The following IGSF11 variants were observed in gnomAD, a reference collection of about 807,000 sequenced individuals.
IGSF11 encodes CXADR like 1.
A neutral mutation model predicts 41.0 loss-of-function variants in IGSF11; 22 were observed. That is an observed-to-expected ratio of 0.54 (90% confidence interval 0.38 to 0.77). The LOEUF is 0.77. Among genes scored for constraint, IGSF11 ranks in the 30% least tolerant of loss-of-function variants. The pLI, the probability that IGSF11 is intolerant of heterozygous loss-of-function variation, is 0.00. For synonymous variants in IGSF11, 219 were observed against 201.3 expected (o/e 1.09, Z -0.74); for missense variants, 444 against 530.8 (o/e 0.84, Z 1.61).
intron 1 of IGSF11, among the ~76,000 whole-genome samples, chr3:119,078,288 C>A (rs1222288874): frequency 6.6e-6 from 1 of 152,104 alleles, no homozygotes; most frequent in Non-Finnish European, 1.5e-5. Context: ...ATACATTAAC[C>A]AAAACAGCAT....
At chr3:119,097,416 C>A (rs2076870365) in intron 1 of IGSF11, among the ~76,000 whole-genome samples, 1 of 148,524 alleles carries the variant, frequency 6.7e-6, no homozygotes, top group Non-Finnish European at 1.5e-5. Flanking sequence ...CAGAACCTCC[C>A]ATTTTTCCTC....
intron 1 of IGSF11, among the ~76,000 whole-genome samples, chr3:118,981,075 A>T (rs1482553798): frequency 6.6e-6 from 1 of 152,220 alleles, no homozygotes; most frequent in Non-Finnish European, 1.5e-5. Flanking sequence ...CACCTCAAGG[A>T]TCACTTGTGT....
chr3:119,132,590 A>G (rs1325809658), intron 1 of IGSF11, among the ~76,000 whole-genome samples: 1 of 152,092 alleles, frequency 6.6e-6, no homozygotes, highest in Non-Finnish European at 1.5e-5. Context: ...TTAGAGACCT[A>G]TAAAAGACTT....
At chr3:119,019,244 C>T (rs930077312) in intron 1 of IGSF11, among the ~76,000 whole-genome samples, 5 of 151,592 alleles carry the variant, frequency 3.3e-5, no homozygotes, top group African/African-American at 1.2e-4. Context: ...ACATCCACAG[C>T]AAATTTTATC....
intron 1 of IGSF11, among the ~76,000 whole-genome samples, chr3:119,121,147 A>G (rs1365642849): frequency 1.3e-5 from 2 of 152,238 alleles, no homozygotes; most frequent in Non-Finnish European, 2.9e-5. Flanking sequence ...TTCAATGAAA[A>G]ATTATGACAC....
At chr3:119,077,968 T>A (rs2076527983) in intron 1 of IGSF11, among the ~76,000 whole-genome samples, 1 of 152,086 alleles carries the variant, frequency 6.6e-6, no homozygotes, top group African/African-American at 2.4e-5. Flanking sequence ...ACCAGTGAGA[T>A]GAAAGATCTC....
chr3:119,139,228 C>T (rs1576843029), intron 1 of IGSF11, among the ~76,000 whole-genome samples: 1 of 152,186 alleles, frequency 6.6e-6, no homozygotes, highest in Middle Eastern at 3.4e-3. Context: ...GACACAATCA[C>T]TATCAAACGA....
At chr3:118,965,896 T>G (rs1253716948) in intron 1 of IGSF11, among the ~76,000 whole-genome samples, 2 of 152,042 alleles carry the variant, frequency 1.3e-5, no homozygotes, top group Admixed American at 1.3e-4. Flanking sequence ...AAAGGACAAC[T>G]TATTTTATAT....
chr3:119,057,119 C>T (rs1450602576), intron 1 of IGSF11, among the ~76,000 whole-genome samples: 2 of 152,090 alleles, frequency 1.3e-5, no homozygotes, highest in Non-Finnish European at 2.9e-5. Flanking sequence ...GAAGTTCTGG[C>T]CAGGGCAATT....
chr3:119,088,964 C>A (rs1477480793), intron 1 of IGSF11, among the ~76,000 whole-genome samples: 1 of 152,072 alleles, frequency 6.6e-6, no homozygotes, highest in Non-Finnish European at 1.5e-5. Context: ...AACCTACCAA[C>A]CATAAAAAGT....
intron 1 of IGSF11, among the ~76,000 whole-genome samples, chr3:118,968,362 C>G (rs965498017): frequency 1.3e-5 from 2 of 152,004 alleles, no homozygotes; most frequent in African/African-American, 2.4e-5. Flanking sequence ...AGACAATAGC[C>G]AGAGAAATTA....
At chr3:119,106,932 G>T (rs1408898024), upstream of IGSF11, among the ~76,000 whole-genome samples, 1 of 152,084 alleles carries the variant, frequency 6.6e-6, no homozygotes, top group Non-Finnish European at 1.5e-5. Context: ...ATTTTTTATG[G>T]CTGCATAGTA....
At chr3:119,110,234 TG>T (rs1266514183) in intron 1 of IGSF11, among the ~76,000 whole-genome samples, 11 of 152,088 alleles carry the variant, frequency 7.2e-5, no homozygotes, top group African/African-American at 2.7e-4. Flanking sequence ...TAAGTCTCTT[TG>T]TAGGTCACTC....
At chr3:119,075,480 G>A (rs1311107441) in intron 1 of IGSF11, among the ~76,000 whole-genome samples, 1 of 152,136 alleles carries the variant, frequency 6.6e-6, no homozygotes, top group African/African-American at 2.4e-5. Context: ...ATTCTATGAA[G>A]TTAGCATCAT....
At chr3:119,145,351 C>T (rs1319014300) in intron 1 of IGSF11, among the ~76,000 whole-genome samples, 1 of 152,212 alleles carries the variant, frequency 6.6e-6, no homozygotes, top group East Asian at 1.9e-4. Flanking sequence ...AGACAGCCTA[C>T]TGACTCTGAG....
At chr3:118,980,852 T>A (rs1320506392) in intron 1 of IGSF11, among the ~76,000 whole-genome samples, 1 of 152,262 alleles carries the variant, frequency 6.6e-6, no homozygotes, top group Non-Finnish European at 1.5e-5. Flanking sequence ...GTATTTTTTC[T>A]CACACTTTAT....
chr3:119,106,737 C>G (rs868350693), upstream of IGSF11, among the ~76,000 whole-genome samples: 1 of 152,050 alleles, frequency 6.6e-6, no homozygotes, highest in Non-Finnish European at 1.5e-5. Context: ...TCCCTCCCCC[C>G]TCCTCCCACC....
upstream of IGSF11, among the ~76,000 whole-genome samples, chr3:119,107,636 GGT>G (rs1182462440): frequency 6.6e-6 from 1 of 151,994 alleles, no homozygotes; most frequent in Non-Finnish European, 1.5e-5. Context: ...CATTGCTTTT[GGT>G]GTTTTAGACA....
intron 1 of IGSF11, among the ~76,000 whole-genome samples, chr3:118,956,524 G>T (rs1373098592): frequency 2.0e-5 from 3 of 152,122 alleles, no homozygotes; most frequent in Non-Finnish European, 1.5e-5. Flanking sequence ...TTTCAATATT[G>T]TTTTGTCTCA....
Sources: allele counts gnomAD v4.1 joint callset (sites outside exome capture counted in the v4.1 genomes callset), GRCh38; gene constraint gnomAD v4.1.1; transcripts MANE v1.5; gene names NCBI Gene and HGNC (gene_info 2026-07-23, HGNC 2026-07-21).